Variants in CRADD observed in about 807,000 individuals in gnomAD.
CRADD encodes the protein death domain-containing protein CRADD.
In CRADD, 9 loss-of-function variants were observed where a neutral mutation model predicts 15.5. The ratio of observed to expected loss-of-function variants is 0.58; its 90% confidence interval spans 0.35 to 1.01. CRADD has a LOEUF of 1.01. Ranked by LOEUF, CRADD falls within the 50% of genes least tolerant of loss-of-function variation. The pLI is 0.02. For synonymous variants in CRADD, 118 were observed against 107.6 expected, an observed-to-expected ratio of 1.10 and a Z score of -0.60; for missense variants, 227 against 250.3, an observed-to-expected ratio of 0.91 and a Z score of 0.63.
chr12:93,789,776 A>T (rs571764792), intron 2 of CRADD, among the ~76,000 whole-genome samples: 137 of 152,316 alleles, frequency 9.0e-4, no homozygotes, highest in African/African-American at 3.1e-3. Context: ...TAAAGTAGTT[A>T]AAAATGGTAT....
intron 2 of CRADD, among the ~76,000 whole-genome samples, chr12:93,717,590 G>A (rs1007240842): frequency 1.3e-5 from 2 of 152,110 alleles, no homozygotes; most frequent in African/African-American, 4.8e-5. Context: ...CATGATCTTG[G>A]CTTACTACAA....
rs1207739624 is a variant in CRADD at position 93,867,405 on chromosome 12, T to TATATATATA, written c.299-26645_299-26644insATATATATA. ...GTATTTGACATATATATATATATAT[T>TATATATATA]TTTTAAACTTGGAAGTCCAAGATCA... On this transcript the variant is annotated intron_variant, in intron 2 of 2. Coordinates refer to the CRADD transcript ENST00000548483. Among the ~76,000 whole-genome samples, 290 of 102,034 alleles carry TATATATATA rather than the reference T, an allele frequency of 2.8e-3. 40 individuals carry two copies. The East Asian group carries it at 0.049, about 17-fold the overall frequency. 66.9% of individuals were successfully genotyped at this position (102,034 alleles called of 152,430 possible). A position where few individuals can be genotyped will look rare whatever the true frequency, so the allele number is the denominator to read the frequency against.
chr12:93,713,299 C>T (rs924992204), intron 2 of CRADD, among the ~76,000 whole-genome samples: 1 of 152,164 alleles, frequency 6.6e-6, no homozygotes, highest in Non-Finnish European at 1.5e-5. Flanking sequence ...TTATGTTCTT[C>T]TGTCAGACTT....
chr12:93,828,182 A>G (rs1157911742), intron 2 of CRADD, among the ~76,000 whole-genome samples: 1 of 152,202 alleles, frequency 6.6e-6, no homozygotes, highest in African/African-American at 2.4e-5. Flanking sequence ...AGCTTTGAGA[A>G]TTATTTGTAT....
At chr12:93,784,726 A>AT (rs1386255453) in intron 2 of CRADD, among the ~76,000 whole-genome samples, 1 of 152,116 alleles carries the variant, frequency 6.6e-6, no homozygotes, top group African/African-American at 2.4e-5. Context: ...TCCCAGAGTG[A>AT]TTTACTGTCC....
intron 2 of CRADD, among the ~76,000 whole-genome samples, chr12:93,747,081 G>T (rs1333621611): frequency 1.3e-5 from 2 of 151,910 alleles, no homozygotes; most frequent in Non-Finnish European, 2.9e-5. Context: ...TCAGATTAGT[G>T]GATCTTTATT....
chr12:93,685,204 CTT>C (rs973550514), intron 2 of CRADD, among the ~76,000 whole-genome samples: 1 of 152,032 alleles, frequency 6.6e-6, no homozygotes, highest in Non-Finnish European at 1.5e-5. Context: ...GCAAGCAAAA[CTT>C]TTCTATTTAC....
intron 2 of CRADD, among the ~76,000 whole-genome samples, chr12:93,799,298 T>TG: frequency 6.6e-6 from 1 of 152,322 alleles, no homozygotes; most frequent in African/African-American, 2.4e-5. Context: ...GTGACTGTGA[T>TG]GCATGCAAAT....
chr12:93,796,633 A>G (rs1957421864), intron 2 of CRADD, among the ~76,000 whole-genome samples: 1 of 151,210 alleles, frequency 6.6e-6, no homozygotes, highest in South Asian at 2.1e-4. Context: ...TGGATAATAC[A>G]TATTCTTTAT....
Position 93,772,528 on chromosome 12 carries a change from G to C in CRADD, c.299-77442G>C, listed in dbSNP as rs564134356. Among the ~76,000 whole-genome samples, 4 of 152,206 alleles carry C rather than the reference G, an allele frequency of 2.6e-5. No individual in the cohort carries two copies. In the South Asian group the frequency reaches 8.3e-4, roughly 32 times the overall value. Reference sequence around the variant, plus strand: ...TTGGAAGCCGGTCTTCTTATCCCCAGAATTAATTAACATGCAAATACTTGT... The same window carrying C: ...TTGGAAGCCGGTCTTCTTATCCCCACAATTAATTAACATGCAAATACTTGT... On this transcript the variant is annotated intron_variant, in intron 2 of 2. Transcript: ENST00000332896.
intron 2 of CRADD, among the ~76,000 whole-genome samples, chr12:93,795,881 C>T (rs1357364131): frequency 6.6e-6 from 1 of 152,178 alleles, no homozygotes; most frequent in East Asian, 1.9e-4. Flanking sequence ...TAATTTGGCT[C>T]TTGGACTGAG....
At chr12:93,859,184 T>C (rs772182565) in intron 2 of CRADD, 294 of 397,502 alleles carry the variant, frequency 7.4e-4, no homozygotes, top group Admixed American at 1.7e-3. Flanking sequence ...GTTACCTGTT[T>C]GCTATATTTA....
chr12:93,862,827 G>C (rs1261632990), intron 2 of CRADD, among the ~76,000 whole-genome samples: 2 of 152,196 alleles, frequency 1.3e-5, no homozygotes, highest in African/African-American at 2.4e-5. Flanking sequence ...TTATCCCACA[G>C]ACACATTGAG....
intron 2 of CRADD, chr12:93,859,532 T>C (rs534309521): frequency 1.2e-4 from 40 of 343,620 alleles, no homozygotes; most frequent in Non-Finnish European, 2.3e-4. Context: ...TTCATGCCCT[T>C]GCAATAGGGA....
intron 2 of CRADD, among the ~76,000 whole-genome samples, chr12:93,891,012 G>A (rs992775309): frequency 4.6e-5 from 7 of 151,616 alleles, no homozygotes; most frequent in African/African-American, 1.5e-4. Flanking sequence ...GCCTCCCAAA[G>A]TGCTGGGATT....
At chr12:93,888,926 G>A (rs919982853) in intron 2 of CRADD, among the ~76,000 whole-genome samples, 4 of 152,204 alleles carry the variant, frequency 2.6e-5, no homozygotes, top group African/African-American at 9.7e-5. Context: ...TGCAGAAGGA[G>A]CAGGTTTCAA....
intron 2 of CRADD, among the ~76,000 whole-genome samples, chr12:93,736,898 T>A (rs888164556): frequency 1.3e-5 from 2 of 152,234 alleles, no homozygotes; most frequent in African/African-American, 4.8e-5. Flanking sequence ...CATTATGTGA[T>A]ACAAAATATG....
chr12:93,681,522 C>T (rs1002943533), intron 2 of CRADD, among the ~76,000 whole-genome samples: 12 of 151,928 alleles, frequency 7.9e-5, no homozygotes, highest in African/African-American at 9.7e-5. Flanking sequence ...ATACCTTCCA[C>T]GGTGACAATC....
chr12:93,797,357 T>C (rs1447239156), intron 2 of CRADD, among the ~76,000 whole-genome samples: 1 of 152,152 alleles, frequency 6.6e-6, no homozygotes, highest in East Asian at 1.9e-4. Flanking sequence ...CAGCATGTAG[T>C]GTGGAGTGGA....
Sources: gnomAD v4.1 joint callset for allele counts (sites outside exome capture counted in the v4.1 genomes callset) on GRCh38, gnomAD v4.1.1 for gene constraint, MANE v1.5 for transcripts, NCBI Gene and HGNC (gene_info 2026-07-23, HGNC 2026-07-21) for gene names.